Variants in RIMS1 observed in about 807,000 individuals in gnomAD.
RIMS1 encodes the protein regulating synaptic membrane exocytosis protein 1.
A neutral mutation model predicts 214.1 loss-of-function variants in RIMS1; 83 were observed. That is an observed-to-expected ratio of 0.39 (90% CI 0.32 to 0.47). The LOEUF is 0.47. RIMS1 is among the 20% of genes least tolerant of loss of function. RIMS1 has a pLI of 0.99. For missense variants in RIMS1, 2,050 were observed against 2,161.8 expected (o/e 0.95, Z 1.03); for synonymous variants, 793 against 786.8 (o/e 1.01, Z -0.13).
intron 1 of RIMS1, among the ~76,000 whole-genome samples, chr6:71,906,296 C>T (rs1252986772): frequency 1.3e-5 from 2 of 152,092 alleles, no homozygotes; most frequent in Admixed American, 6.6e-5. Flanking sequence ...GCAAATTCTC[C>T]TCTCAGAGTA....
At chr6:72,011,427 A>T (rs1204456) in intron 2 of RIMS1, among the ~76,000 whole-genome samples, 86,414 of 152,016 alleles carry the variant, frequency 0.57, 24,757 homozygotes, top group Non-Finnish European at 0.61. Flanking sequence ...GAGCAAGGAC[A>T]TCATGTCTAA....
chr6:71,935,374 T>C (rs1048821313), intron 1 of RIMS1, among the ~76,000 whole-genome samples: 2 of 152,266 alleles, frequency 1.3e-5, no homozygotes, highest in African/African-American at 4.8e-5. Flanking sequence ...CAATCTTACC[T>C]GATTTAAGTG....
At chr6:71,970,810 C>T (rs55989976) in intron 2 of RIMS1, among the ~76,000 whole-genome samples, 153 of 152,322 alleles carry the variant, frequency 1.0e-3, no homozygotes, top group Non-Finnish European at 1.9e-3. Flanking sequence ...CTTATGATAG[C>T]TGATTCTCTG....
At chr6:72,237,101 G>T (rs2064459139) in intron 8 of RIMS1, among the ~76,000 whole-genome samples, 1 of 152,018 alleles carries the variant, frequency 6.6e-6, no homozygotes, top group African/African-American at 2.4e-5. Flanking sequence ...AGCTATTTGG[G>T]AGCCTGAGGT....
Position 72,265,985 on chromosome 6 carries a change from G to A in RIMS1, c.3334G>A (p.Ala1112Thr). 1 of 1,580,796 alleles carries A rather than the reference G, an allele frequency of 6.3e-7. No individual in the cohort carries two copies. The highest frequency in any genetic ancestry group is 1.8e-5 in the Admixed American group (1 of 55,456). The stretch of plus-strand genomic sequence containing the variant: ...TGAACTGCAGCCCTTTCTTGACAGG[G>A]CTAGGAGTGCTAGTACCAACTGCTT... ...VSELQPFLDR[A>T]RSASTNCLRP... Residue 1112 changes from alanine (A) to threonine (T), a missense_variant, in exon 22 of 34, where the codon GCT becomes ACT. Transcript: ENST00000521978.
At chr6:72,378,348 T>G (rs2098426255) in intron 29 of RIMS1, among the ~76,000 whole-genome samples, 1 of 152,232 alleles carries the variant, frequency 6.6e-6, no homozygotes, top group African/African-American at 2.4e-5. Context: ...TAATTTATTT[T>G]GTGGAATGTG....
intron 1 of RIMS1, among the ~76,000 whole-genome samples, chr6:71,887,396 C>T (rs1274080555): frequency 6.6e-6 from 1 of 152,114 alleles, no homozygotes; most frequent in East Asian, 1.9e-4. Flanking sequence ...GCCACAGATC[C>T]AGGAACCCAA....
chr6:72,328,507 A>T (rs1445751992), intron 28 of RIMS1, among the ~76,000 whole-genome samples: 2 of 151,840 alleles, frequency 1.3e-5, no homozygotes, highest in Non-Finnish European at 2.9e-5. Flanking sequence ...GCTACTATGT[A>T]CCCATGAAAT....
At chr6:72,209,246 T>C (rs2053424170) in intron 6 of RIMS1, among the ~76,000 whole-genome samples, 1 of 152,196 alleles carries the variant, frequency 6.6e-6, no homozygotes, top group South Asian at 2.1e-4. Context: ...TTTTTTAACC[T>C]TTTAAATTTT....
chr6:72,016,347 C>G (rs1319365189), intron 2 of RIMS1, among the ~76,000 whole-genome samples: 3 of 152,010 alleles, frequency 2.0e-5, no homozygotes, highest in Non-Finnish European at 4.4e-5. Context: ...TTATTATTGT[C>G]TTCCTTCCAT....
At chr6:72,003,827 G>A (rs141753701) in intron 2 of RIMS1, among the ~76,000 whole-genome samples, 20 of 151,708 alleles carry the variant, frequency 1.3e-4, no homozygotes, top group East Asian at 5.8e-4. Flanking sequence ...TGAGGAATGA[G>A]GCTAAAGATC....
intron 4 of RIMS1, among the ~76,000 whole-genome samples, chr6:72,109,625 A>C (rs907667023): frequency 6.6e-5 from 10 of 151,712 alleles, no homozygotes; most frequent in African/African-American, 2.4e-4. Flanking sequence ...GAGTAGGTTG[A>C]GAAAATTTTC....
At chr6:72,002,817 T>C (rs1460512519) in intron 2 of RIMS1, among the ~76,000 whole-genome samples, 1 of 152,134 alleles carries the variant, frequency 6.6e-6, no homozygotes, top group Non-Finnish European at 1.5e-5. Context: ...CCTGGAGTGT[T>C]GTTTACCCTT....
intron 6 of RIMS1, among the ~76,000 whole-genome samples, chr6:72,198,445 G>T (rs893784521): frequency 4.6e-5 from 7 of 151,958 alleles, no homozygotes. Flanking sequence ...GGAGCTAATA[G>T]AATTGATTTC....
At chr6:72,014,245 A>G (rs1042755903) in intron 2 of RIMS1, among the ~76,000 whole-genome samples, 1 of 152,168 alleles carries the variant, frequency 6.6e-6, no homozygotes, top group African/African-American at 2.4e-5. Context: ...GTGAGAACTC[A>G]CTCACTATTA....
At chr6:72,337,873 G>C (rs987453671) in intron 29 of RIMS1, among the ~76,000 whole-genome samples, 9 of 151,208 alleles carry the variant, frequency 6.0e-5, no homozygotes, top group African/African-American at 2.2e-4. Context: ...AGTTTGCTGA[G>C]AATGATGGTT....
chr6:72,335,612 G>A (rs2096817260), intron 29 of RIMS1, among the ~76,000 whole-genome samples: 1 of 151,956 alleles, frequency 6.6e-6, no homozygotes, highest in South Asian at 2.1e-4. Context: ...TGGGTCAAAT[G>A]GTATTTCTGG....
intron 2 of RIMS1, among the ~76,000 whole-genome samples, chr6:72,020,153 C>T (rs1477907829): frequency 6.6e-6 from 1 of 152,110 alleles, no homozygotes; most frequent in Non-Finnish European, 1.5e-5. Context: ...TACATATAGT[C>T]AGTTCTTACT....
At chr6:72,104,181 A>G (rs9293863) in intron 4 of RIMS1, among the ~76,000 whole-genome samples, 43,309 of 151,968 alleles carry the variant, frequency 0.28, 6,915 homozygotes, top group Admixed American at 0.36. Context: ...GATGCAAAGT[A>G]AGAGATTTTT....
Sources: allele counts gnomAD v4.1 joint callset (sites outside exome capture counted in the v4.1 genomes callset), GRCh38; gene constraint gnomAD v4.1.1; transcripts MANE v1.5; gene names NCBI Gene and HGNC (gene_info 2026-07-23, HGNC 2026-07-21).